The following CPQ variants were observed in gnomAD, a reference collection of about 807,000 sequenced individuals.
CPQ encodes the protein carboxypeptidase Q, also known as Ser-Met dipeptidase.
In CPQ, 37 loss-of-function variants were observed where a neutral mutation model predicts 45.7. The ratio of observed to expected loss-of-function variants is 0.81; its 90% CI spans 0.62 to 1.07. The LOEUF (loss-of-function observed/expected upper bound fraction) is 1.07. CPQ is among the 50% of genes least tolerant of loss of function. CPQ has a pLI of 0.00. For synonymous variants in CPQ, 186 were observed against 205.8 expected (o/e 0.90, Z 0.82); for missense variants, 537 against 572.9 (o/e 0.94, Z 0.64).
At chr8:97,025,791 T>C (rs912828486) in intron 5 of CPQ, among the ~76,000 whole-genome samples, 2 of 152,228 alleles carry the variant, frequency 1.3e-5, no homozygotes, top group Non-Finnish European at 2.9e-5. Flanking sequence ...CTTTTAAAAC[T>C]AGTTTGGATT....
At chr8:96,941,621 G>C (rs1214431957) in intron 4 of CPQ, among the ~76,000 whole-genome samples, 1 of 152,108 alleles carries the variant, frequency 6.6e-6, no homozygotes, top group Admixed American at 6.6e-5. Context: ...AGGCAGCTTA[G>C]AACTGAGGGT....
intron 7 of CPQ, chr8:97,132,745 T>C (rs1811977240): frequency 6.6e-6 from 1 of 152,222 alleles, no homozygotes; most frequent in Non-Finnish European, 1.5e-5. Context: ...TCAGAAACAA[T>C]TTTTAATGAT....
At chr8:97,015,768 C>G (rs368007302) in intron 5 of CPQ, among the ~76,000 whole-genome samples, 35 of 152,136 alleles carry the variant, frequency 2.3e-4, no homozygotes, top group African/African-American at 8.2e-4. Flanking sequence ...AGAATAAAAT[C>G]CTTAAATGCC....
At chr8:96,824,699 T>C (rs1401184986) in intron 2 of CPQ, among the ~76,000 whole-genome samples, 1 of 151,990 alleles carries the variant, frequency 6.6e-6, no homozygotes, top group African/African-American at 2.4e-5. Context: ...TACCATAGCG[T>C]ATGTGCCTAA....
intron 1 of CPQ, among the ~76,000 whole-genome samples, chr8:96,698,285 G>A (rs7841324): frequency 0.024 from 3,687 of 152,190 alleles, 164 homozygotes; most frequent in African/African-American, 0.084. Context: ...TGGGAAAACT[G>A]GATGTCCATA....
intron 7 of CPQ, among the ~76,000 whole-genome samples, chr8:97,086,303 CT>C (rs1424944004): frequency 2.0e-5 from 3 of 152,086 alleles, no homozygotes; most frequent in African/African-American, 7.2e-5. Context: ...TAAAGGGAAG[CT>C]AATATTTATT....
chr8:96,667,465 C>T (rs764334457), intron 1 of CPQ, among the ~76,000 whole-genome samples: 31 of 151,752 alleles, frequency 2.0e-4, no homozygotes, highest in Middle Eastern at 3.2e-3. Context: ...TCTGCTGCCT[C>T]AGCCTCCCAT....
chr8:96,848,726 T>A (rs1811731955), intron 3 of CPQ, among the ~76,000 whole-genome samples: 1 of 152,224 alleles, frequency 6.6e-6, no homozygotes, highest in South Asian at 2.1e-4. Flanking sequence ...CAAGTTTTGT[T>A]CATGTATGGG....
chr8:97,101,033 G>A (rs1811295486), intron 7 of CPQ, among the ~76,000 whole-genome samples: 1 of 152,138 alleles, frequency 6.6e-6, no homozygotes, highest in Non-Finnish European at 1.5e-5. Context: ...AGTTAGCAAA[G>A]GAACTTGATT....
At chr8:96,759,642 G>A (rs915691425) in intron 1 of CPQ, among the ~76,000 whole-genome samples, 1 of 152,102 alleles carries the variant, frequency 6.6e-6, no homozygotes, top group East Asian at 1.9e-4. Context: ...AGAATGTTGA[G>A]ATTCTCTTAA....
intron 3 of CPQ, among the ~76,000 whole-genome samples, chr8:96,854,556 A>AAAAAAAAAAAAAAAAG (rs1811819234): frequency 7.4e-6 from 1 of 134,340 alleles, no homozygotes. Context: ...AAAAAAAAAA[A>AAAAAAAAAAAAAAAAG]AAATGTGGTG....
At chr8:97,045,121 G>A (rs1181033872) in intron 6 of CPQ, among the ~76,000 whole-genome samples, 2 of 152,220 alleles carry the variant, frequency 1.3e-5, no homozygotes. Context: ...AGGGCTCCTT[G>A]AGCTGTGGTG....
chr8:96,773,543 A>T (rs776391313), intron 1 of CPQ, among the ~76,000 whole-genome samples: 1 of 152,182 alleles, frequency 6.6e-6, no homozygotes, highest in Non-Finnish European at 1.5e-5. Context: ...AAAGTCTATA[A>T]CTTCACAGAC....
At chr8:96,982,328 TA>T in intron 5 of CPQ, among the ~76,000 whole-genome samples, 1 of 152,292 alleles carries the variant, frequency 6.6e-6, no homozygotes, top group Admixed American at 6.5e-5. Context: ...TAGAGTCAAA[TA>T]AGATTTCTCA....
intron 1 of CPQ, among the ~76,000 whole-genome samples, chr8:96,717,047 A>G (rs562534180): frequency 3.0e-5 from 2 of 65,672 alleles, no homozygotes; most frequent in African/African-American, 1.3e-4. Context: ...ATATATATAT[A>G]TATATATATA....
chr8:97,117,878 A>G (rs990912932), intron 7 of CPQ, among the ~76,000 whole-genome samples: 1 of 152,096 alleles, frequency 6.6e-6, no homozygotes, highest in African/African-American at 2.4e-5. Context: ...TGATTTCTAC[A>G]CACCCATTTT....
At chr8:97,055,733 C>T (rs892989267) in intron 6 of CPQ, 2 of 152,288 alleles carry the variant, frequency 1.3e-5, no homozygotes, top group East Asian at 3.9e-4. Flanking sequence ...CCAGAAGAAA[C>T]CAACTCTACC....
At chr8:97,065,696 A>C (rs2130527438) in intron 6 of CPQ, among the ~76,000 whole-genome samples, 1 of 152,310 alleles carries the variant, frequency 6.6e-6, no homozygotes, top group South Asian at 2.1e-4. Context: ...AACACTTAAG[A>C]AAATTAGTTG....
chr8:96,994,695 A>T (rs770097259), intron 5 of CPQ, among the ~76,000 whole-genome samples: 1 of 152,076 alleles, frequency 6.6e-6, no homozygotes, highest in African/African-American at 2.4e-5. Flanking sequence ...TTATTAGGTG[A>T]TGACATGCCC....
Sources: allele counts gnomAD v4.1 joint callset (sites outside exome capture counted in the v4.1 genomes callset), GRCh38; gene constraint gnomAD v4.1.1; transcripts MANE v1.5; gene names NCBI Gene and HGNC (gene_info 2026-07-23, HGNC 2026-07-21).